Variants in IL1R1 observed in about 807,000 individuals in gnomAD.
The protein encoded by IL1R1 is interleukin-1 receptor type 1.
In IL1R1, 22 loss-of-function variants were observed where a neutral mutation model predicts 50.2. That is an observed-to-expected ratio of 0.44 (90% CI 0.31 to 0.63). IL1R1 has a LOEUF of 0.63. IL1R1 is among the 20% of genes least tolerant of loss of function. IL1R1 has a pLI of 0.07. For synonymous variants in IL1R1, 251 were observed against 236.7 expected (o/e 1.06, Z -0.55); for missense variants, 509 against 676.2 (o/e 0.75, Z 2.74).
At chr2:102,161,263 T>C (rs1343899121) in intron 3 of IL1R1, among the ~76,000 whole-genome samples, 1 of 152,216 alleles carries the variant, frequency 6.6e-6, no homozygotes, top group Non-Finnish European at 1.5e-5. Flanking sequence ...TATTATTGAT[T>C]TCTAATCTAA....
At chr2:102,091,557 T>C (rs1679667878) in intron 1 of IL1R1, among the ~76,000 whole-genome samples, 1 of 152,348 alleles carries the variant, frequency 6.6e-6, no homozygotes, top group South Asian at 2.1e-4. Context: ...ATTCATAGAA[T>C]GTGTAATGAT....
intron 1 of IL1R1, among the ~76,000 whole-genome samples, chr2:102,115,231 T>C (rs1558643): frequency 0.62 from 94,497 of 152,006 alleles, 29,828 homozygotes; most frequent in African/African-American, 0.69. Context: ...AGTAGACAGT[T>C]GCCGAGTCAG....
upstream of IL1R1, among the ~76,000 whole-genome samples, chr2:102,100,852 G>A (rs1680110758): frequency 6.6e-6 from 1 of 152,286 alleles, no homozygotes; most frequent in African/African-American, 2.4e-5. Flanking sequence ...ACACAGTGCG[G>A]TCTGGAAGAG....
intron 6 of IL1R1, 147 bp downstream of exon 6, chr2:102,166,428 T>C (rs1685188949): frequency 1.9e-6 from 1 of 533,692 alleles, no homozygotes; most frequent in South Asian, 3.6e-5. Context: ...AGTTTTGTTT[T>C]TTTGTTACTA....
intron 1 of IL1R1, among the ~76,000 whole-genome samples, chr2:102,087,347 C>T (rs185592773): frequency 6.6e-6 from 1 of 152,312 alleles, no homozygotes; most frequent in East Asian, 1.9e-4. Flanking sequence ...AACTCTTCTC[C>T]TCTTGAAAGA....
intron 1 of IL1R1, among the ~76,000 whole-genome samples, chr2:102,087,938 C>A (rs1253771495): frequency 6.6e-6 from 1 of 152,212 alleles, no homozygotes; most frequent in African/African-American, 2.4e-5. Flanking sequence ...AGAAACAACT[C>A]CTCATTCATC....
intron 6 of IL1R1, among the ~76,000 whole-genome samples, chr2:102,166,566 G>A (rs1236967391): frequency 6.6e-6 from 1 of 152,114 alleles, no homozygotes; most frequent in African/African-American, 2.4e-5. Flanking sequence ...GGTTCTTACT[G>A]AAAGCTCTGG....
intron 2 of IL1R1, among the ~76,000 whole-genome samples, chr2:102,155,745 C>T (rs1346846280): frequency 6.6e-6 from 1 of 152,134 alleles, no homozygotes; most frequent in Non-Finnish European, 1.5e-5. Context: ...ACCCTTTGCC[C>T]TTTTATAGTC....
At chr2:102,143,778 A>G (rs1195928149) in intron 1 of IL1R1, among the ~76,000 whole-genome samples, 1 of 152,334 alleles carries the variant, frequency 6.6e-6, no homozygotes, top group Admixed American at 6.5e-5. Context: ...CTGGGAAGGC[A>G]CGCAGATGCT....
Position 102,171,874 on chromosome 2 carries a change from A to T in IL1R1, c.795A>T (p.Ser265=). ...TTGCTTACTGGAAGTGGAATGGGTC[A>T]GTAATTGATGAAGATGACCCAGTGC... The part of the protein sequence containing the change: ...SDIAYWKWNG[S]VIDEDDPVLG... The change falls in exon 8 of 12, where the codon TCA becomes TCT. Residue 265 remains serine (S), a synonymous_variant. Transcript: ENST00000410023. The T allele has an allele frequency of 6.2e-7, 1 of 1,610,140 alleles. No individual in the cohort carries two copies.
At chr2:102,158,271 A>G (rs1258187927) in intron 3 of IL1R1, among the ~76,000 whole-genome samples, 1 of 152,214 alleles carries the variant, frequency 6.6e-6, no homozygotes, top group Admixed American at 6.5e-5. Context: ...GGGATACAGC[A>G]GGGAACAGTG....
rs567753921 is a variant in IL1R1, at chr2:102,145,560, G to A, written c.-84+2540G>A. 9.2e-5 allele frequency among the ~76,000 whole-genome samples: 14 copies of A among 152,312 alleles called. No homozygotes were observed. The South Asian group carries it at 1.2e-3, about 14-fold the overall frequency. ...TGGAGACACCTATCACTTCCCAAGAGGACTCATGCCCACGAGCGGACAGGG... is the reference window on the plus strand; with the variant it reads ...TGGAGACACCTATCACTTCCCAAGAAGACTCATGCCCACGAGCGGACAGGG... On this transcript the variant is annotated intron_variant, in intron 1 of 11. Transcript: ENST00000410023.
At chr2:102,113,705 C>T (rs1362813775) in intron 1 of IL1R1, among the ~76,000 whole-genome samples, 2 of 152,190 alleles carry the variant, frequency 1.3e-5, no homozygotes, top group African/African-American at 2.4e-5. Context: ...CAATGACGCT[C>T]GGCCTCCTTG....
intron 1 of IL1R1, among the ~76,000 whole-genome samples, chr2:102,135,923 C>T (rs112114839): frequency 2.7e-4 from 41 of 152,242 alleles, no homozygotes; most frequent in African/African-American, 9.6e-4. Context: ...CCAGAGGCTA[C>T]ATGAATTGCA....
intron 1 of IL1R1, among the ~76,000 whole-genome samples, chr2:102,126,339 G>C (rs1028162422): frequency 5.9e-5 from 9 of 152,208 alleles, no homozygotes; most frequent in Admixed American, 3.3e-4. Context: ...TGCCTCGCTG[G>C]AGAGCCAAAT....
upstream of IL1R1, among the ~76,000 whole-genome samples, chr2:102,139,518 C>T (rs1208958567): frequency 6.6e-6 from 1 of 152,186 alleles, no homozygotes; most frequent in East Asian, 1.9e-4. Flanking sequence ...GGATATTTGT[C>T]CCTGCCCAAA....
intron 1 of IL1R1, among the ~76,000 whole-genome samples, chr2:102,093,303 C>T (rs974825582): frequency 7.2e-5 from 11 of 152,316 alleles, no homozygotes; most frequent in African/African-American, 2.4e-4. Context: ...ATTGAGAAAG[C>T]TAGCAAAAGT....
At chr2:102,163,350 T>C (rs1578010294) in intron 3 of IL1R1, among the ~76,000 whole-genome samples, 1 of 152,344 alleles carries the variant, frequency 6.6e-6, no homozygotes, top group East Asian at 1.9e-4. Flanking sequence ...CAGTGATTCA[T>C]ATTACATGTA....
At chr2:102,102,946 T>G (rs1680206959), upstream of IL1R1, among the ~76,000 whole-genome samples, 1 of 152,022 alleles carries the variant, frequency 6.6e-6, no homozygotes, top group African/African-American at 2.4e-5. Context: ...AATTAAACAC[T>G]GAGTTCATAC....
Sources: allele counts gnomAD v4.1 joint callset (sites outside exome capture counted in the v4.1 genomes callset), GRCh38; gene constraint gnomAD v4.1.1; transcripts MANE v1.5; gene names NCBI Gene and HGNC (gene_info 2026-07-23, HGNC 2026-07-21).